CLEC4D: variants seen among roughly 807,000 people sequenced by gnomAD.
CLEC4D encodes C-type lectin domain family 4 member D.
In CLEC4D, 21 loss-of-function variants were observed where a neutral mutation model predicts 21.1. The ratio of observed to expected loss-of-function variants is 1.00; its 90% CI spans 0.71 to 1.43. CLEC4D has a LOEUF of 1.43. Among genes scored for constraint, CLEC4D ranks in the 40% most tolerant of loss-of-function variants. The probability of loss-of-function intolerance (pLI) is 0.00; values close to 1 mark genes in which losing one functional copy is unlikely to be tolerated. For missense variants in CLEC4D, 289 were observed against 260.7 expected, an observed-to-expected ratio of 1.11 and a Z score of -0.75; for synonymous variants, 85 against 83.1, an observed-to-expected ratio of 1.02 and a Z score of -0.12.
intron 4 of CLEC4D, among the ~76,000 whole-genome samples, chr12:8,519,813 G>A (rs759890584): frequency 2.0e-5 from 3 of 152,118 alleles, no homozygotes; most frequent in Non-Finnish European, 4.4e-5. Flanking sequence ...TTGGTTAATA[G>A]TTTCCTCAAG....
intron 5 of CLEC4D, 45 bp from the exon 6 acceptor site, chr12:8,521,079 T>C: frequency 6.3e-7 from 1 of 1,585,672 alleles, no homozygotes; most frequent in Non-Finnish European, 8.6e-7. Context: ...ATCTACATTG[T>C]CTATATATAC....
the CLEC4D span, among the ~76,000 whole-genome samples, chr12:8,527,375 TC>T: frequency 6.6e-6 from 1 of 152,112 alleles, no homozygotes; most frequent in Non-Finnish European, 1.5e-5. Flanking sequence ...CCAAATTCTG[TC>T]CCCGAGCCTC....
At chr12:8,530,359 T>C in the CLEC4D span, among the ~76,000 whole-genome samples, 1 of 151,436 alleles carries the variant, frequency 6.6e-6, no homozygotes, top group African/African-American at 2.4e-5. Flanking sequence ...AACCCACAAC[T>C]ATCATTATTT....
chr12:8,521,302 G>A lies in CLEC4D; in HGVS notation c.*31G>A. On this transcript the variant is annotated 3_prime_UTR_variant, in exon 6 of 6. Transcript: ENST00000299665. ...CAGAAAGTGGTCCTTGTGATGGAAA[G>A]AGAAAAGAAAAACCAATTAGAATAA... The A allele has an allele frequency of 6.3e-7, 1 of 1,587,524 alleles. No individual in the cohort carries two copies. Among genetic ancestry groups the A allele is most frequent in the Admixed American group, 1.9e-5 (1 of 53,430 alleles).
chr12:8,529,583 C>A, the CLEC4D span, among the ~76,000 whole-genome samples: 2 of 151,954 alleles, frequency 1.3e-5, 1 homozygote, highest in South Asian at 4.2e-4. Context: ...GCCACTGTAC[C>A]CTGGCCTGGG....
chr12:8,527,253 C>T (rs900436531), downstream of CLEC4D, among the ~76,000 whole-genome samples: 3 of 152,146 alleles, frequency 2.0e-5, no homozygotes, highest in Non-Finnish European at 4.4e-5. Flanking sequence ...GGGTTAAACC[C>T]ACTCATCTGG....
At chr12:8,517,871 G>A (rs1169021067) in intron 2 of CLEC4D, among the ~76,000 whole-genome samples, 1 of 152,120 alleles carries the variant, frequency 6.6e-6, no homozygotes, top group African/African-American at 2.4e-5. Context: ...ATGTGAACCC[G>A]GGAGGCGGAG....
the CLEC4D span, among the ~76,000 whole-genome samples, chr12:8,529,890 T>C: frequency 1.1e-3 from 166 of 152,300 alleles, no homozygotes; most frequent in African/African-American, 3.5e-3. Context: ...GTATAAACTT[T>C]TGATAGAAAT....
the CLEC4D span, among the ~76,000 whole-genome samples, chr12:8,527,659 C>T: frequency 1.3e-5 from 2 of 152,334 alleles, no homozygotes; most frequent in African/African-American, 4.8e-5. Context: ...CTGCCCCTCC[C>T]TCAAAGAGCG....
At chr12:8,531,643 G>A in the CLEC4D span, among the ~76,000 whole-genome samples, 1 of 151,936 alleles carries the variant, frequency 6.6e-6, no homozygotes, top group Non-Finnish European at 1.5e-5. Flanking sequence ...CCACAAATGT[G>A]TACAATTATT....
chr12:8,514,625 G>A (rs894486759), intron 1 of CLEC4D, among the ~76,000 whole-genome samples: 1 of 152,056 alleles, frequency 6.6e-6, no homozygotes, highest in African/African-American at 2.4e-5. Flanking sequence ...CCAGGCAGCA[G>A]CATTTATTTT....
rs1940467004 is a variant in CLEC4D at position 8,522,188 on chromosome 12, A to G, written c.*917A>G. The G allele has an allele frequency of 6.6e-6, 1 of 152,156 alleles. No homozygotes were observed. 9.4% of individuals were successfully genotyped at this position (152,156 alleles called of 1,614,324 possible). A position where few individuals can be genotyped will look rare whatever the true frequency, so the allele number is the denominator to read the frequency against. On this transcript the variant is annotated 3_prime_UTR_variant, in exon 6 of 6. Coordinates refer to ENST00000299665, the MANE Select transcript of CLEC4D (RefSeq NM_080387.5). ...ATTAATTTGAATAGAAAATAATCAC[A>G]TTTTCAACCCATTTATACAAATTGT...
the CLEC4D span, among the ~76,000 whole-genome samples, chr12:8,529,040 G>A: frequency 6.6e-6 from 1 of 151,900 alleles, no homozygotes; most frequent in Non-Finnish European, 1.5e-5. Context: ...GTTCTTATAA[G>A]TGAATAGCAT....
the CLEC4D span, among the ~76,000 whole-genome samples, chr12:8,530,577 CAT>C: frequency 2.0e-5 from 3 of 151,452 alleles, no homozygotes; most frequent in African/African-American, 7.3e-5. Flanking sequence ...TTCTTAGTGA[CAT>C]ATTTTATATT....
At chr12:8,530,538 TATC>T in the CLEC4D span, among the ~76,000 whole-genome samples, 1 of 151,926 alleles carries the variant, frequency 6.6e-6, no homozygotes, top group Non-Finnish European at 1.5e-5. Flanking sequence ...TCTAGAATAT[TATC>T]ATTTTGACAT....
chr12:8,514,261 A>G (rs1318192137), intron 1 of CLEC4D, among the ~76,000 whole-genome samples: 1 of 152,126 alleles, frequency 6.6e-6, no homozygotes, highest in African/African-American at 2.4e-5. Context: ...GCAAACTGTA[A>G]TCACAGTGTG....
At chr12:8,524,389 G>T (rs182983227), downstream of CLEC4D, among the ~76,000 whole-genome samples, 60 of 151,438 alleles carry the variant, frequency 4.0e-4, no homozygotes, top group Middle Eastern at 3.4e-3. Context: ...GCTCGTAATT[G>T]TCTATTCAGG....
intron 5 of CLEC4D, 35 bp from the exon 6 acceptor site, chr12:8,521,089 C>A: frequency 6.2e-7 from 1 of 1,602,910 alleles, no homozygotes; most frequent in Non-Finnish European, 8.5e-7. Context: ...TCTATATATA[C>A]CTATAAATCT....
chr12:8,516,714 G>A (rs1940386722), intron 2 of CLEC4D, among the ~76,000 whole-genome samples: 1 of 152,128 alleles, frequency 6.6e-6, no homozygotes, highest in African/African-American at 2.4e-5. Context: ...TACAATATTC[G>A]TACGCTATTG....
Sources: allele counts gnomAD v4.1 joint callset (sites outside exome capture counted in the v4.1 genomes callset), GRCh38; gene constraint gnomAD v4.1.1; transcripts MANE v1.5; gene names NCBI Gene and HGNC (gene_info 2026-07-23, HGNC 2026-07-21).